The following TTN variants were observed in gnomAD, a reference collection of about 807,000 sequenced individuals.
The protein encoded by TTN is connectin.
A neutral mutation model predicts 3,223.0 loss-of-function variants in TTN; 1,525 were observed. That is an observed-to-expected ratio of 0.47 (90% confidence interval 0.45 to 0.49). The LOEUF (loss-of-function observed/expected upper bound fraction) is 0.49. Ranked by LOEUF, TTN falls within the 20% of genes least tolerant of loss-of-function variation. The pLI, the probability that TTN is intolerant of heterozygous loss-of-function variation, is 0.00. For synonymous variants in TTN, 14,094 were observed against 15,161.0 expected (o/e 0.93, Z 5.17); for missense variants, 40,786 against 43,424.0 (o/e 0.94, Z 5.40).
rs754663367 is a variant in TTN, at chr2:178,538,528, A to C, written c.99289+12T>G. On this transcript the variant is annotated intron_variant, in intron 354 of 362. Coordinates refer to ENST00000589042, the MANE Select transcript of TTN (RefSeq NM_001267550.2). ...TTTGTAAATCATAAGTAGAGAACCA[A>C]AGGCTACTTACATGTGAGTTTAGTC... The C allele has an allele frequency of 6.9e-6, 11 of 1,597,368 alleles. No individual in the cohort carries two copies. The South Asian group carries it at 1.2e-4, about 18-fold the overall frequency.
chr2:178,782,639 G>A (rs1302670842), intron 18 of TTN, 37 bp from the exon 19 acceptor site: 2 of 1,610,026 alleles, frequency 1.2e-6, no homozygotes, highest in African/African-American at 1.3e-5. Flanking sequence ...GAGATGAGAT[G>A]TTTAGTGACC....
In TTN at chr2:178,526,912, CTTTT is replaced by C; in HGVS notation, c.*96_*99del. On this transcript the variant is annotated 3_prime_UTR_variant, in exon 363 of 363. Coordinates refer to ENST00000589042, the MANE Select transcript of TTN (RefSeq NM_001267550.2). ...ACTCATTTAGGTTGATACAAAACTACTTTTTTTTCTTTAAATATTTACAGTTCAG... is the reference window on the plus strand; with the variant it reads ...ACTCATTTAGGTTGATACAAAACTACTTTTCTTTAAATATTTACAGTTCAG... 2 of 1,177,744 alleles carry C rather than the reference CTTTT, an allele frequency of 1.7e-6. No individual in the cohort carries two copies. The highest frequency in any genetic ancestry group is 2.3e-6 in the Non-Finnish European group (2 of 873,390). The allele number at this position is 1,177,744 out of a possible 1,614,324, so 73.0% of individuals were successfully genotyped here. A position where few individuals can be genotyped will look rare whatever the true frequency, so the allele number is the denominator to read the frequency against.
At position 178,548,259 on chromosome 2, in the gene TTN, C is replaced by T. The variant is rs202096200; in HGVS notation, c.93367G>A (p.Val31123Ile). 4.3e-6 allele frequency: 7 copies of T among 1,613,826 alleles called. No homozygotes were observed. The highest frequency in any genetic ancestry group is 5.9e-6 in the Non-Finnish European group (7 of 1,179,806). ...ACTGCGGAGGATTTGCTAGTATCAA[C>T]AACATCAAGTCTCCTAGGTGGAGCA... ...QPAPPRRLDV[V>I]DTSKSSAVLA... The change falls in exon 339 of 363, where the codon GTT (valine) becomes ATT (isoleucine). Residue 31123 changes from valine to isoleucine, a missense_variant. Coordinates refer to ENST00000589042, the MANE Select transcript of TTN (RefSeq NM_001267550.2). The surrounding 1 kb of genome is among the most constrained non-coding windows in gnomAD (Gnocchi z 4.3).
Position 178,530,335 on chromosome 2 carries a change from T to C in TTN, c.106280A>G (p.Gln35427Arg). The change falls in exon 358 of 363, where the codon CAG becomes CGG. Residue 35427 changes from glutamine (Q) to arginine (R), a missense_variant. Transcript: ENST00000589042. Reference sequence around the variant, plus strand: ...ACTGTCTGAAGAAACAGTTGTATCCTGCAACCCAGTAACAATTACTGGTTT... The same window carrying C: ...ACTGTCTGAAGAAACAGTTGTATCCCGCAACCCAGTAACAATTACTGGTTT... ...SSKPVIVTGL[Q>R]DTTVSSDSVA... 1 of 1,614,022 alleles carries C rather than the reference T, an allele frequency of 6.2e-7. No individual in the cohort carries two copies. The highest frequency in any genetic ancestry group is 8.5e-7 in the Non-Finnish European group (1 of 1,179,894).
At chr2:178,728,858 TA>T in intron 65 of TTN, 32 bp downstream of exon 65, 1 of 1,575,430 alleles carries the variant, frequency 6.3e-7, no homozygotes, top group Non-Finnish European at 8.6e-7. Context: ...ACTGTCGCTA[TA>T]GACTATCTTT....
chr2:178,791,244 C>T (rs965823895), intron 10 of TTN, among the ~76,000 whole-genome samples: 1 of 152,152 alleles, frequency 6.6e-6, no homozygotes, highest in Non-Finnish European at 1.5e-5. Context: ...TTCAAAATGT[C>T]TCACTCACAG....
rs748636733 is a variant in TTN, at chr2:178,560,454, T to C, written c.85678A>G (p.Thr28560Ala). The change falls in exon 326 of 363, where the codon ACT becomes GCT. Residue 28560 changes from threonine (T) to alanine (A), a missense_variant. Coordinates refer to ENST00000589042, the MANE Select transcript of TTN (RefSeq NM_001267550.2). Reference protein sequence around the residue: ...VPSPPTSLEITSVTKESMTLC... With the variant: ...VPSPPTSLEIASVTKESMTLC... The stretch of plus-strand genomic sequence containing the variant: ...GTCATAGATTCTTTGGTCACAGAAG[T>C]AATTTCCAAAGACGTGGGTGGACTT... 1 of 1,613,578 alleles carries C rather than the reference T, an allele frequency of 6.2e-7. No individual in the cohort carries two copies. The highest frequency in any genetic ancestry group is 8.5e-7 in the Non-Finnish European group (1 of 1,179,748).
rs758627195 is a variant in TTN, at chr2:178,600,994, C to A, written c.55910G>T (p.Arg18637Leu). The A allele has an allele frequency of 6.2e-7, 1 of 1,613,118 alleles. No individual in the cohort carries two copies. Among genetic ancestry groups the A allele is most frequent in the Non-Finnish European group, 8.5e-7 (1 of 1,179,390 alleles). ...KKEAWRQCNK[R>L]DVEELQFTVE... The stretch of plus-strand genomic sequence containing the variant: ...AGTAAATTGCAGTTCTTCCACATCA[C>A]GCTTATTGCACTGCCTCCAGGCTTC... Residue 18637 changes from arginine (R) to leucine (L), a missense_variant, in exon 288 of 363, where the codon CGT (arginine) becomes CTT (leucine). Arg to Leu is a moderately radical substitution (Grantham distance 102). Transcript: ENST00000589042.
chr2:178,609,761 C>T lies in TTN; in HGVS notation c.51662G>A (p.Arg17221His), dbSNP rs770653436. The change falls in exon 272 of 363, where the codon CGT becomes CAT. Residue 17221 changes from arginine (R) to histidine (H), a missense_variant. Coordinates refer to ENST00000589042, the MANE Select transcript of TTN (RefSeq NM_001267550.2). Reference protein sequence around the residue: ...GLEEGKEYQFRVRAENAAGIS... With the variant: ...GLEEGKEYQFHVRAENAAGIS... ...ACCCGCGGCGTTCTCTGCTCGCACA[C>T]GGAATTGGTACTCTTTCCCCTCTTC... 53 of 1,612,556 alleles carry T rather than the reference C, an allele frequency of 3.3e-5. 1 individual carries two copies. The highest frequency in any genetic ancestry group is 6.7e-5 in the East Asian group (3 of 44,788).
In TTN at chr2:178,698,931, AGAAAAAAAAAG is replaced by A. The variant is rs1353282204; in HGVS notation, c.30683-28_30683-18del. ...TTTTGGTAACTAAAAAAAAAAAAAA[AGAAAAAAAAAG>A]AAAAAATATTTCTGGTGTAAGTAAC... On this transcript the variant is annotated intron_variant, in intron 111 of 362. Coordinates refer to ENST00000589042, the MANE Select transcript of TTN (RefSeq NM_001267550.2). 5.5e-6 allele frequency: 8 copies of A among 1,465,288 alleles called. No homozygotes were observed. In the African/African-American group the frequency reaches 7.2e-5, roughly 13 times the overall value. 90.8% of individuals were successfully genotyped at this position (1,465,288 alleles called of 1,614,324 possible).
chr2:178,541,608 C>A, intron 349 of TTN, 24 bp from the exon 350 acceptor site: 1 of 1,574,438 alleles, frequency 6.4e-7, no homozygotes. Context: ...GAGGTTAACA[C>A]GATATGGCAA....
Position 178,684,694 on chromosome 2 carries a change from A to G in TTN, c.32610T>C (p.Ile10870=), listed in dbSNP as rs1209326778. The G allele has an allele frequency of 6.2e-7, 1 of 1,612,058 alleles. No individual in the cohort carries two copies. The change falls in exon 131 of 363, where the codon ATT becomes ATC. Residue 10870 remains isoleucine (I), a synonymous_variant. Transcript: ENST00000589042. ...VPEKKVPPKV[I]KMEEPLPAKV... ...TGGCTGGGAGAGGTTCTTCCATCTT[A>G]ATGACTTTTGGAGGAACCTTTTTTT...
rs529400356 is a variant in TTN at position 178,648,167 on chromosome 2, T to A, written c.40058-703A>T. Among the ~76,000 whole-genome samples, 3 of 152,272 alleles carry A rather than the reference T, an allele frequency of 2.0e-5. No individual in the cohort carries two copies. In the East Asian group the frequency reaches 5.8e-4, roughly 29 times the overall value. Reference sequence around the variant, plus strand: ...AATATGTAAGCCTGCTTCAAAATCTTTGAAGCTTCCTATTGCCTACAGAAA... The same window carrying A: ...AATATGTAAGCCTGCTTCAAAATCTATGAAGCTTCCTATTGCCTACAGAAA... On this transcript the variant is annotated intron_variant, in intron 213 of 362. Coordinates refer to ENST00000589042, the MANE Select transcript of TTN (RefSeq NM_001267550.2).
Position 178,672,118 on chromosome 2 carries a change from C to G in TTN, c.35080G>C (p.Gly11694Arg). Reference protein sequence around the residue: ...FHEVEEYFEEGEFHEVEEFIK... With the variant: ...FHEVEEYFEEREFHEVEEFIK... ...AATTCTTCTACTTCATGAAACTCGC[C>G]TTCTTCAAAATATTCTTCAACTTCA... is the stretch of plus-strand genomic sequence containing the variant. Residue 11694 changes from glycine (G) to arginine (R), a missense_variant, in exon 155 of 363, where the codon GGC (glycine) becomes CGC (arginine). Transcript: ENST00000589042. 6.2e-7 allele frequency: 1 copy of G among 1,611,392 alleles called. No homozygotes were observed. Among genetic ancestry groups the G allele is most frequent in the South Asian group, 1.1e-5 (1 of 90,878 alleles).
intron 255 of TTN, 37 bp from the exon 256 acceptor site, chr2:178,617,050 T>G: frequency 6.2e-7 from 1 of 1,611,284 alleles, no homozygotes; most frequent in Non-Finnish European, 8.5e-7. Flanking sequence ...TGCAGTGCCA[T>G]ATTTAAGTCC....
chr2:178,739,410 A>G lies in TTN; in HGVS notation c.13823T>C (p.Ile4608Thr). 6.2e-7 allele frequency: 1 copy of G among 1,613,856 alleles called. No individual in the cohort carries two copies. Among genetic ancestry groups the G allele is most frequent in the Non-Finnish European group, 8.5e-7 (1 of 1,179,826 alleles). The change falls in exon 48 of 363, where the codon ATA becomes ACA. Residue 4608 changes from isoleucine to threonine, a missense_variant. Ile to Thr is a moderately conservative substitution (Grantham distance 89). Transcript: ENST00000589042. ...AACAGTGTCCACTAAAGGTGTATGT[A>G]TCATGGGGCCATCCTCTTTGATTAA... ...GGLIKEDGPM[I>T]HTPLVDTVSE...
intron 45 of TTN, 144 bp downstream of exon 45, chr2:178,757,398 C>A (rs117651802): frequency 9.5e-7 from 1 of 1,047,158 alleles, no homozygotes; most frequent in African/African-American, 1.6e-5. Context: ...GAGGACCTAG[C>A]GGGAGTTATT....
In TTN at chr2:178,559,731, C is replaced by T; in HGVS notation, c.86401G>A (p.Val28801Ile). 3 of 1,600,024 alleles carry T rather than the reference C, an allele frequency of 1.9e-6. No individual in the cohort carries two copies. The highest frequency in any genetic ancestry group is 2.6e-6 in the Non-Finnish European group (3 of 1,172,430). ...PDTDLRTRAY[V>I]DTTDSRTSLT... ...GATGTACGAGAGTCTGTGGTATCAA[C>T]ATAAGCTCTAGTACGGAGGTCAGTG... Residue 28801 changes from valine to isoleucine, a missense_variant, in exon 326 of 363, where the codon GTT becomes ATT. Val to Ile is a conservative substitution (Grantham distance 29, BLOSUM62 3). Coordinates refer to ENST00000589042, the MANE Select transcript of TTN (RefSeq NM_001267550.2).
Position 178,537,404 on chromosome 2 carries a change from T to C in TTN, c.99803A>G (p.Tyr33268Cys). 6.2e-7 allele frequency: 1 copy of C among 1,608,780 alleles called. No homozygotes were observed. Among genetic ancestry groups the C allele is most frequent in the Non-Finnish European group, 8.5e-7 (1 of 1,176,160 alleles). ...AAAAACATTGCTGAGCTGGACTTTG[T>C]ATTTCCCAGCATGAGTCTTACGTTG... Reference protein sequence around the residue: ...NVQRKTHAGKYKVQLSNVFGT... With the variant: ...NVQRKTHAGKCKVQLSNVFGT... Residue 33268 changes from tyrosine to cysteine, a missense_variant, in exon 355 of 363, where the codon TAC (tyrosine) becomes TGC (cysteine). Coordinates refer to ENST00000589042, the MANE Select transcript of TTN (RefSeq NM_001267550.2).
Sources: allele counts gnomAD v4.1 joint callset (sites outside exome capture counted in the v4.1 genomes callset), GRCh38; gene constraint gnomAD v4.1.1; non-coding constraint Gnocchi (gnomAD v3.1); transcripts MANE v1.5; gene names NCBI Gene and HGNC (gene_info 2026-07-23, HGNC 2026-07-21).